The following MASP1 variants were observed in gnomAD, a reference collection of about 807,000 sequenced individuals.
MASP1 encodes the protein MBL associated serine protease 1.
A neutral mutation model predicts 77.1 loss-of-function variants in MASP1; 59 were observed. That is an observed-to-expected ratio of 0.77 (90% confidence interval 0.62 to 0.95). The LOEUF is 0.95. Ranked by LOEUF, MASP1 falls within the 40% of genes least tolerant of loss-of-function variation. MASP1 has a pLI of 0.00. For missense variants in MASP1, 885 were observed against 912.9 expected (o/e 0.97, Z 0.39); for synonymous variants, 362 against 354.5 (o/e 1.02, Z -0.24).
At chr3:187,243,007 A>T (rs1045481378) in intron 9 of MASP1, 9 of 216,892 alleles carry the variant, frequency 4.1e-5, no homozygotes, top group African/African-American at 1.8e-4. Flanking sequence ...TACCTGCTGA[A>T]TGGGTCTGGC....
intron 2 of MASP1, among the ~76,000 whole-genome samples, chr3:187,278,966 G>A (rs1253812207): frequency 2.0e-5 from 3 of 151,210 alleles, no homozygotes; most frequent in African/African-American, 7.3e-5. Context: ...TCACATCCCC[G>A]AACCCCACTG....
rs1348606608 is a variant in MASP1 at position 187,234,292 on chromosome 3, G to T, written c.*1392C>A. On this transcript the variant is annotated 3_prime_UTR_variant, in exon 11 of 11. Transcript: ENST00000296280. ...TCATTCCCTCTCAGGGGCTTCTCTG[G>T]CTGCCTTGCTCTGATGGAGATTTTC... is the stretch of plus-strand genomic sequence containing the variant. The T allele has an allele frequency of 7.8e-7, 1 of 1,287,112 alleles. No individual in the cohort carries two copies. The highest frequency in any genetic ancestry group is 1.0e-6 in the Non-Finnish European group (1 of 988,696). The allele number at this position is 1,287,112 out of a possible 1,614,324, so 79.7% of individuals were successfully genotyped here.
intron 1 of MASP1, among the ~76,000 whole-genome samples, chr3:187,289,802 A>G (rs1718162432): frequency 6.6e-6 from 1 of 152,204 alleles, no homozygotes; most frequent in Non-Finnish European, 1.5e-5. Context: ...GGACCTTTTC[A>G]TGATCATCAG....
At chr3:187,218,280 T>C (rs1394728854) in exon 16 of MASP1, 1 of 152,296 alleles carries the variant, frequency 6.6e-6, no homozygotes, top group East Asian at 1.9e-4. Flanking sequence ...AATGATACTC[T>C]CTTCATCTAG....
intron 2 of MASP1, among the ~76,000 whole-genome samples, chr3:187,277,080 C>A (rs1362750977): frequency 6.6e-6 from 1 of 152,106 alleles, no homozygotes; most frequent in Non-Finnish European, 1.5e-5. Flanking sequence ...GAGTCACAGA[C>A]CATCAGAACT....
chr3:187,254,266 A>G (rs896711142), intron 5 of MASP1, among the ~76,000 whole-genome samples: 5 of 152,372 alleles, frequency 3.3e-5, no homozygotes, highest in African/African-American at 1.2e-4. Context: ...TATAGAAGTA[A>G]TCATTCCTAT....
At chr3:187,221,203 A>AGACG (rs1359104542) in intron 14 of MASP1, 1 of 1,130,130 alleles carries the variant, frequency 8.8e-7, no homozygotes, top group African/African-American at 1.5e-5. Flanking sequence ...ACACCCCTGA[A>AGACG]GACGGCTCCT....
At chr3:187,243,171 C>T in intron 9 of MASP1, 1 of 376,670 alleles carries the variant, frequency 2.7e-6, no homozygotes, top group Non-Finnish European at 5.0e-6. Flanking sequence ...CGTTTCTTCT[C>T]TTAGTTGTGT....
intron 2 of MASP1, among the ~76,000 whole-genome samples, chr3:187,284,973 C>A (rs1717726633): frequency 6.6e-6 from 1 of 152,158 alleles, no homozygotes; most frequent in Non-Finnish European, 1.5e-5. Context: ...CTAAAAATAT[C>A]TAAATGCTCT....
intron 4 of MASP1, among the ~76,000 whole-genome samples, chr3:187,258,738 C>T (rs187483369): frequency 6.6e-6 from 1 of 152,282 alleles, no homozygotes; most frequent in Non-Finnish European, 1.5e-5. Flanking sequence ...CACGGGTGGC[C>T]ATCTGTTCAA....
intron 3 of MASP1, 96 bp downstream of exon 3, chr3:187,262,447 C>T: frequency 8.2e-7 from 1 of 1,226,684 alleles, no homozygotes; most frequent in South Asian, 1.2e-5. Context: ...ATGTGGTGCA[C>T]ACACAGATTT....
intron 2 of MASP1, among the ~76,000 whole-genome samples, chr3:187,268,223 T>A (rs1336986171): frequency 6.6e-6 from 1 of 152,216 alleles, no homozygotes; most frequent in Non-Finnish European, 1.5e-5. Context: ...GCCTCATACC[T>A]GTAATCTCAG....
chr3:187,283,839 C>A (rs994712035), intron 2 of MASP1, among the ~76,000 whole-genome samples: 1 of 152,150 alleles, frequency 6.6e-6, no homozygotes, highest in Non-Finnish European at 1.5e-5. Flanking sequence ...GATTTTGTGA[C>A]CAACATTATT....
intron 10 of MASP1, 47 bp from the exon 11 acceptor site, chr3:187,236,614 G>T (rs1365560691): frequency 6.2e-7 from 1 of 1,612,950 alleles, no homozygotes; most frequent in Admixed American, 1.7e-5. Flanking sequence ...AGACTGGTCA[G>T]GTCAGCCATG....
chr3:187,284,451 G>A (rs1465961575), intron 2 of MASP1, among the ~76,000 whole-genome samples: 1 of 152,140 alleles, frequency 6.6e-6, no homozygotes, highest in Non-Finnish European at 1.5e-5. Flanking sequence ...CAAATGATCT[G>A]GTTCAAAATA....
chr3:187,239,187 TAAA>T (rs4012004), intron 10 of MASP1, among the ~76,000 whole-genome samples: 3 of 123,202 alleles, frequency 2.4e-5, no homozygotes, highest in Non-Finnish European at 1.8e-5. Context: ...TACTAAAAAT[TAAA>T]AAAAAAAAAA....
chr3:187,261,280 C>T lies in MASP1; in HGVS notation c.416-408G>A, dbSNP rs538423900. On this transcript the variant is annotated intron_variant, in intron 3 of 10. Transcript: ENST00000296280. ...AGAGGCATTAACAAACTTAGAATCA[C>T]ACAGATAATAAGTGGCAGACCCAGG... 3.9e-5 allele frequency among the ~76,000 whole-genome samples: 6 copies of T among 152,318 alleles called. No homozygotes were observed. The South Asian group carries it at 1.0e-3, about 26-fold the overall frequency.
At position 187,275,875 on chromosome 3, in the gene MASP1, T is replaced by A. The variant is rs183887239; in HGVS notation, c.237+9950A>T. 1.3e-3 allele frequency among the ~76,000 whole-genome samples: 191 copies of A among 150,828 alleles called. 1 individual carries two copies. Among genetic ancestry groups the A allele is most frequent in the African/African-American group, 4.4e-3 (182 of 41,006 alleles). On this transcript the variant is annotated intron_variant, in intron 2 of 10. Coordinates refer to ENST00000296280, the MANE Select transcript of MASP1 (RefSeq NM_139125.4). ...AAAGTGGACATTAATACTCTGAGCATCAGGTCAAATGAGATTCGGGGCATG... is the reference window on the plus strand; with the variant it reads ...AAAGTGGACATTAATACTCTGAGCAACAGGTCAAATGAGATTCGGGGCATG...
intron 8 of MASP1, among the ~76,000 whole-genome samples, chr3:187,249,765 G>T (rs1714405631): frequency 6.6e-6 from 1 of 152,208 alleles, no homozygotes; most frequent in Admixed American, 6.5e-5. Flanking sequence ...GTGAAGAGCT[G>T]TATCCTCTGC....
Sources: allele counts gnomAD v4.1 joint callset (sites outside exome capture counted in the v4.1 genomes callset), GRCh38; gene constraint gnomAD v4.1.1; transcripts MANE v1.5; gene names NCBI Gene and HGNC (gene_info 2026-07-23, HGNC 2026-07-21).